Variants in COX10 observed in about 807,000 individuals in gnomAD.
COX10 encodes protoheme IX farnesyltransferase, mitochondrial.
A neutral mutation model predicts 37.3 loss-of-function variants in COX10; 27 were observed. The ratio of observed to expected loss-of-function variants is 0.72; its 90% CI spans 0.53 to 1.00. The LOEUF is 1.00. Among genes scored for constraint, COX10 ranks in the 50% least tolerant of loss-of-function variants. The pLI is 0.00. For synonymous variants in COX10, 222 were observed against 229.1 expected (o/e 0.97, Z 0.28); for missense variants, 475 against 563.2 (o/e 0.84, Z 1.59).
chr17:14,185,781 A>G (rs964174523), intron 5 of COX10, among the ~76,000 whole-genome samples: 5 of 149,968 alleles, frequency 3.3e-5, no homozygotes, highest in African/African-American at 1.2e-4. Flanking sequence ...GCCTTATTTC[A>G]AACAAGAGTT....
intron 6 of COX10, among the ~76,000 whole-genome samples, chr17:14,203,011 G>A (rs955822540): frequency 3.3e-5 from 5 of 152,008 alleles, no homozygotes; most frequent in Non-Finnish European, 5.9e-5. Context: ...GTTTTGAGTC[G>A]TCTCAAAATA....
chr17:14,159,309 G>T (rs1297118532), intron 4 of COX10, among the ~76,000 whole-genome samples: 1 of 152,174 alleles, frequency 6.6e-6, no homozygotes, highest in Non-Finnish European at 1.5e-5. Flanking sequence ...GTTGATTCTT[G>T]GTTGATTCTC....
rs765622172 is a variant in COX10, at chr17:14,076,833, C to T, written c.276C>T (p.Ala92=). 6.2e-7 allele frequency: 1 copy of T among 1,613,966 alleles called. No homozygotes were observed. The highest frequency in any genetic ancestry group is 1.3e-5 in the African/African-American group (1 of 74,870). The stretch of plus-strand genomic sequence containing the variant: ...TTGAAAAAACATCTTCAGGTCAAGC[C>T]AAAGCAGAAATATATGAGATGAGAC... ...PFLEKTSSGQ[A]KAEIYEMRPL... is the part of the protein sequence containing the mutation. Residue 92 remains alanine (A), a synonymous_variant, in exon 3 of 7, where the codon GCC becomes GCT. Transcript: ENST00000261643.
intron 3 of COX10, among the ~76,000 whole-genome samples, chr17:14,086,763 T>C (rs1190409192): frequency 1.3e-5 from 2 of 152,350 alleles, no homozygotes; most frequent in African/African-American, 2.4e-5. Context: ...TCTTCCCTAA[T>C]TGGTATATCT....
At chr17:14,153,682 G>A (rs1236210002) in intron 4 of COX10, among the ~76,000 whole-genome samples, 2 of 152,122 alleles carry the variant, frequency 1.3e-5, no homozygotes. Flanking sequence ...CAACCACTTC[G>A]TGAAATAGTT....
intron 4 of COX10, among the ~76,000 whole-genome samples, chr17:14,122,852 G>T (rs1256241103): frequency 1.3e-5 from 2 of 152,124 alleles, no homozygotes; most frequent in Non-Finnish European, 2.9e-5. Flanking sequence ...AATCCTACCT[G>T]TACCCAAAGA....
intron 4 of COX10, among the ~76,000 whole-genome samples, chr17:14,147,370 A>G (rs1904750680): frequency 6.6e-6 from 1 of 152,188 alleles, no homozygotes; most frequent in Non-Finnish European, 1.5e-5. Context: ...ACTGGAAATC[A>G]TTATGTTAGG....
At chr17:14,090,117 C>T (rs1915492702) in intron 3 of COX10, among the ~76,000 whole-genome samples, 1 of 151,906 alleles carries the variant, frequency 6.6e-6, no homozygotes, top group Non-Finnish European at 1.5e-5. Context: ...TTCTGCAAGT[C>T]CAAGCAGATC....
intron 6 of COX10, among the ~76,000 whole-genome samples, chr17:14,200,958 G>C (rs917290426): frequency 7.2e-5 from 11 of 152,220 alleles, no homozygotes; most frequent in African/African-American, 2.7e-4. Context: ...CCTGCACTAA[G>C]TAACATTCAC....
intron 6 of COX10, among the ~76,000 whole-genome samples, chr17:14,197,986 A>AT (rs934426291): frequency 4.0e-5 from 6 of 151,730 alleles, no homozygotes; most frequent in Admixed American, 1.3e-4. Context: ...CCTTATCTTA[A>AT]TTTTTTTTTA....
intron 6 of COX10, 147 bp from the exon 7 acceptor site, chr17:14,206,663 C>T (rs552570357): frequency 5.5e-5 from 56 of 1,019,092 alleles, no homozygotes; most frequent in Non-Finnish European, 7.8e-5. Flanking sequence ...CCCAGCCACC[C>T]TGTGATGTAG....
intron 3 of COX10, among the ~76,000 whole-genome samples, chr17:14,078,650 CT>C (rs1796693342): frequency 6.6e-6 from 1 of 152,160 alleles, no homozygotes; most frequent in South Asian, 2.1e-4. Flanking sequence ...CAGCTTCTAA[CT>C]GTTCTTTCTT....
At chr17:14,124,815 A>G (rs1218959757) in intron 4 of COX10, among the ~76,000 whole-genome samples, 1 of 152,106 alleles carries the variant, frequency 6.6e-6, no homozygotes, top group Non-Finnish European at 1.5e-5. Flanking sequence ...GAGTGTTTTA[A>G]TGTTATGAGA....
At chr17:14,199,070 C>CAA (rs58368681) in intron 6 of COX10, among the ~76,000 whole-genome samples, 2 of 132,456 alleles carry the variant, frequency 1.5e-5, no homozygotes. Context: ...CTTGAAAGAC[C>CAA]AAAAAAAAAA....
At chr17:14,179,512 A>G (rs1370570925) in intron 5 of COX10, among the ~76,000 whole-genome samples, 1 of 152,214 alleles carries the variant, frequency 6.6e-6, no homozygotes. Flanking sequence ...CCACATGTAT[A>G]AAATGCTTAA....
intron 4 of COX10, among the ~76,000 whole-genome samples, chr17:14,135,064 C>T (rs946486537): frequency 6.6e-6 from 1 of 151,492 alleles, no homozygotes; most frequent in African/African-American, 2.4e-5. Context: ...AAAAATTAGC[C>T]TAATAAATAT....
intron 3 of COX10, among the ~76,000 whole-genome samples, chr17:14,095,733 G>C (rs901540170): frequency 6.6e-6 from 1 of 152,122 alleles, no homozygotes; most frequent in Non-Finnish European, 1.5e-5. Context: ...CGGGCTCACT[G>C]GTTGTTGGTA....
intron 5 of COX10, among the ~76,000 whole-genome samples, chr17:14,179,628 C>T (rs1261220385): frequency 2.0e-5 from 3 of 152,196 alleles, no homozygotes; most frequent in Non-Finnish European, 4.4e-5. Flanking sequence ...ACAGAGTGGA[C>T]AGTGAAAACT....
At chr17:14,101,499 C>G (rs756042940) in intron 3 of COX10, among the ~76,000 whole-genome samples, 5 of 152,132 alleles carry the variant, frequency 3.3e-5, no homozygotes, top group Non-Finnish European at 7.3e-5. Context: ...CAGGGCCTAC[C>G]GAAAAGGAGC....
Sources: gnomAD v4.1 joint callset for allele counts (sites outside exome capture counted in the v4.1 genomes callset) on GRCh38, gnomAD v4.1.1 for gene constraint, MANE v1.5 for transcripts, NCBI Gene and HGNC (gene_info 2026-07-23, HGNC 2026-07-21) for gene names.